Variants in GANAB observed in about 807,000 individuals in gnomAD.
GANAB encodes the protein glucosidase II alpha subunit.
Under a neutral mutation model 129.9 loss-of-function variants are expected in GANAB, and 35 were observed. The ratio of observed to expected loss-of-function variants is 0.27; its 90% CI spans 0.21 to 0.36. The LOEUF (loss-of-function observed/expected upper bound fraction) is 0.36. Ranked by LOEUF, GANAB falls within the 10% of genes least tolerant of loss-of-function variation. The pLI, the probability that GANAB is intolerant of heterozygous loss-of-function variation, is 1.00. For missense variants in GANAB, 939 were observed against 1,221.0 expected, an observed-to-expected ratio of 0.77 and a Z score of 3.44; for synonymous variants, 482 against 451.8, an observed-to-expected ratio of 1.07 and a Z score of -0.85.
rs773436180 is a variant in GANAB at position 62,628,863 on chromosome 11, T to C, written c.2086A>G (p.Ile696Val). 6.2e-7 allele frequency: 1 copy of C among 1,614,120 alleles called. No homozygotes were observed. Among genetic ancestry groups the C allele is most frequent in the South Asian group, 1.1e-5 (1 of 91,086 alleles). Reference sequence around the variant, plus strand: ...CGCTGGCCCAAGGCATCTCGGATTATATCATTGTGCTGAGATGGTAACAGC... The same window carrying C: ...CGCTGGCCCAAGGCATCTCGGATTACATCATTGTGCTGAGATGGTAACAGC... ...PWLLPSQHND[I>V]IRDALGQRYS... Residue 696 changes from isoleucine to valine, a missense_variant, in exon 17 of 24, where the codon ATA (isoleucine) becomes GTA (valine). Physicochemically the swap from Ile to Val is conservative, Grantham distance 29. Coordinates refer to ENST00000356638, the MANE Select transcript of GANAB (RefSeq NM_198334.3).
In GANAB at chr11:62,625,350, AG is replaced by A. The variant is rs776585548; in HGVS notation, c.*464del. On this transcript the variant is annotated 3_prime_UTR_variant, in exon 24 of 24. Coordinates refer to ENST00000356638, the MANE Select transcript of GANAB (RefSeq NM_198334.3). ...GCATAAAAAGGGGAGTAAAGCCTGG[AG>A]GAAGAAATGAAAGGTGGGAGAGCAA... The A allele has an allele frequency of 4.4e-5, 20 of 450,930 alleles. No homozygotes were observed. The highest frequency in any genetic ancestry group is 2.8e-4 in the African/African-American group (14 of 49,858). 27.9% of individuals were successfully genotyped at this position (450,930 alleles called of 1,614,324 possible).
In GANAB at chr11:62,639,615, G is replaced by C. The variant is rs1182288607; in HGVS notation, c.143+12C>G. 1.3e-6 allele frequency: 2 copies of C among 1,584,568 alleles called. No individual in the cohort carries two copies. On this transcript the variant is annotated intron_variant, in intron 2 of 23. Transcript: ENST00000356638. ...CCCTACATTCCATCCCTCTCCCCCA[G>C]AAATATCATACTTGCAGAAAGAACT...
Position 62,629,746 on chromosome 11 carries a change from T to C in GANAB, c.1738-62A>G, listed in dbSNP as rs569986944. The C allele has an allele frequency of 9.5e-5, 153 of 1,605,650 alleles. No homozygotes were observed. The African/African-American group carries it at 1.9e-3, about 20-fold the overall frequency. On this transcript the variant is annotated intron_variant, in intron 14 of 23. Coordinates refer to ENST00000356638, the MANE Select transcript of GANAB (RefSeq NM_198334.3). ...AAAGCCAGCTGTCATCTGGTGCAAG[T>C]TCCCTAGGCCCTCAGTCTCTGGGCT... is the stretch of plus-strand genomic sequence containing the variant.
chr11:62,643,348 A>G (rs931501247), intron 1 of GANAB, among the ~76,000 whole-genome samples: 2 of 152,042 alleles, frequency 1.3e-5, no homozygotes, highest in Non-Finnish European at 2.9e-5. Context: ...CTAAAAATAC[A>G]AAAATTAGGC....
intron 1 of GANAB, 42 bp downstream of exon 1, chr11:62,646,520 T>A: frequency 6.2e-7 from 1 of 1,607,184 alleles, no homozygotes; most frequent in Non-Finnish European, 8.5e-7. Context: ...TTGGGGGATC[T>A]GGGGGCGTCC....
At chr11:62,645,470 A>G (rs1944437559) in intron 1 of GANAB, among the ~76,000 whole-genome samples, 1 of 150,510 alleles carries the variant, frequency 6.6e-6, no homozygotes, top group Non-Finnish European at 1.5e-5. Flanking sequence ...CAGGAGGCGG[A>G]GCTTGCAGTG....
intron 1 of GANAB, among the ~76,000 whole-genome samples, chr11:62,642,020 T>C (rs1003157799): frequency 1.3e-5 from 2 of 151,408 alleles, no homozygotes; most frequent in Non-Finnish European, 2.9e-5. Context: ...GAGACCAGCC[T>C]GGCCAATATG....
At chr11:62,642,761 C>T (rs574790973) in intron 1 of GANAB, among the ~76,000 whole-genome samples, 3 of 152,052 alleles carry the variant, frequency 2.0e-5, no homozygotes, top group East Asian at 3.9e-4. Flanking sequence ...GTTCCCTAAA[C>T]AACTCTAATG....
At chr11:62,640,911 A>G (rs1408741332) in intron 1 of GANAB, among the ~76,000 whole-genome samples, 1 of 149,390 alleles carries the variant, frequency 6.7e-6, no homozygotes, top group Non-Finnish European at 1.5e-5. Flanking sequence ...CTCTGGTGAC[A>G]TCAGCCTCTC....
chr11:62,633,110 A>G lies in GANAB; in HGVS notation c.719-9T>C. ...ACCCACAGACATGGGGCCTGGAAGAAAAACAAACAAGCTTCAGAGCTTCTG... is the reference window on the plus strand; with the variant it reads ...ACCCACAGACATGGGGCCTGGAAGAGAAACAAACAAGCTTCAGAGCTTCTG... On this transcript the variant is annotated splice_polypyrimidine_tract_variant and intron_variant, in intron 7 of 23. Coordinates refer to ENST00000356638, the MANE Select transcript of GANAB (RefSeq NM_198334.3). 6.2e-7 allele frequency: 1 copy of G among 1,609,334 alleles called. No individual in the cohort carries two copies. The highest frequency in any genetic ancestry group is 8.5e-7 in the Non-Finnish European group (1 of 1,175,642).
At chr11:62,640,260 G>A (rs971383831) in intron 1 of GANAB, among the ~76,000 whole-genome samples, 7 of 63,636 alleles carry the variant, frequency 1.1e-4, no homozygotes, top group African/African-American at 2.8e-4. Flanking sequence ...AAAGCCAGGC[G>A]CGGTGGCTCA....
Position 62,626,696 on chromosome 11 carries a change from G to C in GANAB, c.2398-12C>G, listed in dbSNP as rs751405998. 2 of 1,556,064 alleles carry C rather than the reference G, an allele frequency of 1.3e-6. No individual in the cohort carries two copies. ...TGGAACACAGGGATCTAGGGCAAGA[G>C]CAATGCCAGGATGAAGTTGCCCCCT... On this transcript the variant is annotated splice_polypyrimidine_tract_variant and intron_variant, in intron 20 of 23. Coordinates refer to ENST00000356638, the MANE Select transcript of GANAB (RefSeq NM_198334.3).
chr11:62,633,240 T>C lies in GANAB; in HGVS notation c.662A>G (p.Asp221Gly), dbSNP rs1943775848. The C allele has an allele frequency of 1.2e-6, 2 of 1,613,996 alleles. No homozygotes were observed. The highest frequency in any genetic ancestry group is 1.3e-5 in the African/African-American group (1 of 74,920). Reference protein sequence around the residue: ...PEETQGKAEKDEPGAWEETFK... With the variant: ...PEETQGKAEKGEPGAWEETFK... ...TGTCTCCTCCCAGGCTCCTGGCTCA[T>C]CTTTCTCTGCCTTCCCCTGAGTCTC... Residue 221 changes from aspartate to glycine, a missense_variant, in exon 7 of 24, where the codon GAT (aspartate) becomes GGT (glycine). Asp to Gly is a moderately conservative substitution (Grantham distance 94). This residue lies in a region of GANAB where 321 missense variants were observed against 329.1 expected (regional missense o/e 0.98). Transcript: ENST00000356638.
intron 1 of GANAB, among the ~76,000 whole-genome samples, chr11:62,640,267 C>T (rs1203402119): frequency 7.9e-6 from 1 of 126,556 alleles, no homozygotes; most frequent in Non-Finnish European, 1.6e-5. Context: ...GGCGCGGTGG[C>T]TCACGCCTGT....
At position 62,630,405 on chromosome 11, in the gene GANAB, G is replaced by A; in HGVS notation, c.1487C>T (p.Ser496Phe). 1.2e-6 allele frequency: 2 copies of A among 1,614,164 alleles called. No homozygotes were observed. The highest frequency in any genetic ancestry group is 1.3e-5 in the African/African-American group (1 of 75,044). ...LGLYVKTRDGSDYEGWCWPGS... is the reference protein window; with the variant it reads ...LGLYVKTRDGFDYEGWCWPGS... ...TGGCCAGCACCAGCCCTCATAGTCA[G>A]AGCCATCCCGGGTTTTAACATACAG... is the stretch of plus-strand genomic sequence containing the variant. Residue 496 changes from serine to phenylalanine, a missense_variant, in exon 12 of 24, where the codon TCT becomes TTT. Ser to Phe is a radical substitution (Grantham distance 155, BLOSUM62 -2). This residue lies in a region of GANAB where 220 missense variants were observed against 295.9 expected (regional missense o/e 0.74). Coordinates refer to ENST00000356638, the MANE Select transcript of GANAB (RefSeq NM_198334.3).
chr11:62,627,887 C>A (rs77692657), intron 17 of GANAB, among the ~76,000 whole-genome samples: 1 of 152,368 alleles, frequency 6.6e-6, no homozygotes, highest in East Asian at 1.9e-4. Context: ...CTGCCCTCTA[C>A]TGAAACCATG....
intron 5 of GANAB, chr11:62,633,777 G>C (rs1943805278): frequency 1.8e-6 from 1 of 549,968 alleles, no homozygotes; most frequent in South Asian, 2.2e-5. Context: ...CAACATCCCA[G>C]AAGAGAAAGG....
chr11:62,646,458 G>T, intron 1 of GANAB, 104 bp downstream of exon 1: 1 of 1,333,132 alleles, frequency 7.5e-7, no homozygotes, highest in Non-Finnish European at 1.1e-6. Flanking sequence ...TTCCTCACGA[G>T]GCCGGGGGTG....
intron 5 of GANAB, 53 bp from the exon 6 acceptor site, chr11:62,633,567 G>A (rs1943795861): frequency 1.3e-6 from 2 of 1,486,294 alleles, no homozygotes; most frequent in African/African-American, 1.4e-5. Flanking sequence ...GGGACGAGGG[G>A]CTAGTGGAAG....
Sources: allele counts gnomAD v4.1 joint callset (sites outside exome capture counted in the v4.1 genomes callset), GRCh38; gene constraint gnomAD v4.1.1; regional missense constraint gnomAD v4.1.1; transcripts MANE v1.5; gene names NCBI Gene and HGNC (gene_info 2026-07-23, HGNC 2026-07-21).